Variants in DNAJC13 observed in about 807,000 individuals in gnomAD.
The protein encoded by DNAJC13 is dnaJ homolog subfamily C member 13.
In DNAJC13, 75 loss-of-function variants were observed where a neutral mutation model predicts 290.5. The observed-to-expected ratio is 0.26, with a 90% CI of 0.21 to 0.31. DNAJC13 has a LOEUF of 0.31. Among genes scored for constraint, DNAJC13 ranks in the 10% least tolerant of loss-of-function variants. The pLI, the probability that DNAJC13 is intolerant of heterozygous loss-of-function variation, is 1.00. For missense variants in DNAJC13, 2,260 were observed against 2,674.5 expected (o/e 0.85, Z 3.42); for synonymous variants, 862 against 892.0 (o/e 0.97, Z 0.60).
At chr3:132,514,507 C>A (rs1196366072) in intron 45 of DNAJC13, 64 bp from the exon 46 acceptor site, 4 of 1,193,428 alleles carry the variant, frequency 3.4e-6, no homozygotes, top group Middle Eastern at 2.4e-4. Context: ...GTCTATATGA[C>A]CTAATTTGAT....
At chr3:132,488,840 A>C (rs1303614453) in intron 30 of DNAJC13, 136 bp from the exon 31 acceptor site, 2 of 651,354 alleles carry the variant, frequency 3.1e-6, no homozygotes, top group East Asian at 5.7e-5. Flanking sequence ...AAATTAAATA[A>C]TTTGGGAATA....
At chr3:132,448,725 T>C (rs1001724157) in intron 5 of DNAJC13, among the ~76,000 whole-genome samples, 2 of 152,162 alleles carry the variant, frequency 1.3e-5, no homozygotes, top group African/African-American at 2.4e-5. Context: ...ATTCATAGAA[T>C]ATTTCTATGA....
At chr3:132,515,402 G>A (rs1321262082) in intron 46 of DNAJC13, among the ~76,000 whole-genome samples, 2 of 151,868 alleles carry the variant, frequency 1.3e-5, no homozygotes, top group Non-Finnish European at 2.9e-5. Flanking sequence ...CTTATGTTTG[G>A]TGTTTATGTT....
intron 17 of DNAJC13, among the ~76,000 whole-genome samples, chr3:132,465,651 GA>G (rs1933954833): frequency 6.6e-6 from 1 of 151,952 alleles, no homozygotes; most frequent in Non-Finnish European, 1.5e-5. Context: ...ATATTAGTAG[GA>G]CTGGTTAAAC....
intron 38 of DNAJC13, among the ~76,000 whole-genome samples, chr3:132,500,068 C>T (rs979756474): frequency 4.6e-5 from 7 of 152,192 alleles, no homozygotes; most frequent in Non-Finnish European, 1.0e-4. Flanking sequence ...TGTTGGCTTA[C>T]GTTTTCTTTC....
chr3:132,429,037 A>G (rs971478910), intron 1 of DNAJC13, among the ~76,000 whole-genome samples: 2 of 152,224 alleles, frequency 1.3e-5, no homozygotes, highest in African/African-American at 4.8e-5. Flanking sequence ...CCAGCCAAAA[A>G]ATGTTTTTTA....
intron 36 of DNAJC13, 144 bp from the exon 37 acceptor site, chr3:132,498,982 C>A: frequency 1.5e-6 from 1 of 672,734 alleles, no homozygotes; most frequent in South Asian, 2.1e-5. Flanking sequence ...TCCCAAAGTG[C>A]TGGGATTACA....
intron 25 of DNAJC13, among the ~76,000 whole-genome samples, chr3:132,479,679 A>G (rs1934602318): frequency 6.6e-6 from 1 of 152,190 alleles, no homozygotes; most frequent in Non-Finnish European, 1.5e-5. Context: ...GTTGATAAAA[A>G]GTAATTGGAA....
At chr3:132,451,426 C>T (rs913784889) in intron 6 of DNAJC13, among the ~76,000 whole-genome samples, 9 of 152,070 alleles carry the variant, frequency 5.9e-5, no homozygotes, top group African/African-American at 2.2e-4. Flanking sequence ...GAATTCATTG[C>T]GTGTTTTTGT....
intron 22 of DNAJC13, among the ~76,000 whole-genome samples, chr3:132,476,445 CAAT>C (rs895315361): frequency 1.4e-4 from 21 of 152,290 alleles, no homozygotes; most frequent in African/African-American, 4.8e-4. Context: ...TAGATTGCAA[CAAT>C]GTCACTGCTT....
At chr3:132,468,503 T>A (rs1313151094) in intron 20 of DNAJC13, among the ~76,000 whole-genome samples, 1 of 152,162 alleles carries the variant, frequency 6.6e-6, no homozygotes, top group African/African-American at 2.4e-5. Flanking sequence ...ATATTCAATA[T>A]AAAGAATCAT....
intron 44 of DNAJC13, among the ~76,000 whole-genome samples, chr3:132,512,014 T>TA (rs1935791639): frequency 6.6e-6 from 1 of 152,210 alleles, no homozygotes; most frequent in South Asian, 2.1e-4. Context: ...TTGGGAAAAT[T>TA]ACGCATTTAC....
At chr3:132,425,957 T>G (rs1939079057) in intron 1 of DNAJC13, among the ~76,000 whole-genome samples, 1 of 152,212 alleles carries the variant, frequency 6.6e-6, no homozygotes, top group Non-Finnish European at 1.5e-5. Flanking sequence ...TGATGTAGGC[T>G]TCTTCTCACT....
At chr3:132,526,558 G>A (rs942543599) in intron 53 of DNAJC13, among the ~76,000 whole-genome samples, 9 of 152,170 alleles carry the variant, frequency 5.9e-5, no homozygotes, top group African/African-American at 2.2e-4. Context: ...CAACTTGAGA[G>A]TACTTTTATG....
chr3:132,483,970 C>G (rs1397541567), intron 28 of DNAJC13, among the ~76,000 whole-genome samples: 2 of 152,154 alleles, frequency 1.3e-5, no homozygotes, highest in East Asian at 3.8e-4. Flanking sequence ...CCCACTTGAC[C>G]AGTGAAGGTG....
chr3:132,461,930 C>T (rs1474703565), intron 15 of DNAJC13, among the ~76,000 whole-genome samples: 2 of 151,952 alleles, frequency 1.3e-5, no homozygotes, highest in African/African-American at 4.8e-5. Context: ...TGAGCTTAAG[C>T]GATCCTCCTG....
At chr3:132,489,917 T>C (rs1935010250) in intron 31 of DNAJC13, among the ~76,000 whole-genome samples, 1 of 152,234 alleles carries the variant, frequency 6.6e-6, no homozygotes, top group African/African-American at 2.4e-5. Flanking sequence ...CTTCCTTTAT[T>C]TCTGTGCCAT....
At chr3:132,453,881 T>C (rs978429964) in intron 8 of DNAJC13, among the ~76,000 whole-genome samples, 185 bp from the exon 9 acceptor site, 1 of 152,206 alleles carries the variant, frequency 6.6e-6, no homozygotes, top group Non-Finnish European at 1.5e-5. Context: ...ATTTTCCAAG[T>C]ATATAAAGAA....
intron 43 of DNAJC13, among the ~76,000 whole-genome samples, chr3:132,509,807 G>A (rs144837396): frequency 2.0e-5 from 3 of 152,294 alleles, no homozygotes; most frequent in East Asian, 3.9e-4. Context: ...AGGTATGCAC[G>A]TAGTTTTTTT....
Sources: allele counts gnomAD v4.1 joint callset (sites outside exome capture counted in the v4.1 genomes callset), GRCh38; gene constraint gnomAD v4.1.1; transcripts MANE v1.5; gene names NCBI Gene and HGNC (gene_info 2026-07-23, HGNC 2026-07-21).